The following ADAM12 variants were observed in gnomAD, a reference collection of about 807,000 sequenced individuals.
ADAM12 encodes ADAM metallopeptidase domain 12, also known as disintegrin and metalloproteinase domain-containing protein 12.
Under a neutral mutation model 106.4 loss-of-function variants are expected in ADAM12, and 70 were observed. The observed-to-expected ratio is 0.66, with a 90% CI of 0.54 to 0.80. The LOEUF (loss-of-function observed/expected upper bound fraction) is 0.80. Among genes scored for constraint, ADAM12 ranks in the 30% least tolerant of loss-of-function variants. The pLI is 0.00. For missense variants in ADAM12, 1,010 were observed against 1,171.9 expected, an observed-to-expected ratio of 0.86 and a Z score of 2.02; for synonymous variants, 420 against 433.5, an observed-to-expected ratio of 0.97 and a Z score of 0.39.
At chr10:126,301,623 G>A (rs2133799933) in intron 2 of ADAM12, among the ~76,000 whole-genome samples, 1 of 152,262 alleles carries the variant, frequency 6.6e-6, no homozygotes, top group East Asian at 1.9e-4. Context: ...GATTTTTGGA[G>A]AAGCAGGTTG....
chr10:126,121,407 ATAT>A (rs1221919097), intron 5 of ADAM12, among the ~76,000 whole-genome samples: 1 of 129,334 alleles, frequency 7.7e-6, no homozygotes, highest in Non-Finnish European at 1.6e-5. Flanking sequence ...AATATATTGC[ATAT>A]TATATAATAT....
At chr10:126,086,668 A>T (rs1483329923) in intron 11 of ADAM12, among the ~76,000 whole-genome samples, 1 of 47,822 alleles carries the variant, frequency 2.1e-5, no homozygotes, top group African/African-American at 1.5e-4. Context: ...AAAAAAAAAA[A>T]AAAAAAAAAA....
chr10:126,350,139 T>A (rs76895644), intron 1 of ADAM12, among the ~76,000 whole-genome samples: 2 of 152,052 alleles, frequency 1.3e-5, no homozygotes, highest in African/African-American at 4.8e-5. Context: ...AAGAAGAAAC[T>A]GGAAAAAATT....
At chr10:126,126,897 A>G (rs1956215525) in intron 5 of ADAM12, among the ~76,000 whole-genome samples, 1 of 152,188 alleles carries the variant, frequency 6.6e-6, no homozygotes, top group African/African-American at 2.4e-5. Flanking sequence ...GTGGAGAGCC[A>G]GTCTGGAGAC....
At chr10:126,250,979 C>T (rs1304416651) in intron 3 of ADAM12, among the ~76,000 whole-genome samples, 1 of 152,202 alleles carries the variant, frequency 6.6e-6, no homozygotes, top group Admixed American at 6.5e-5. Flanking sequence ...ATGTACTAGG[C>T]ATGGTGCTAA....
intron 3 of ADAM12, among the ~76,000 whole-genome samples, chr10:126,218,605 C>T (rs1341469235): frequency 6.6e-6 from 1 of 152,230 alleles, no homozygotes; most frequent in Non-Finnish European, 1.5e-5. Context: ...AGAACAGGTA[C>T]TGTGGGAAGG....
At chr10:126,126,483 T>C (rs1316333905) in intron 5 of ADAM12, among the ~76,000 whole-genome samples, 1 of 152,234 alleles carries the variant, frequency 6.6e-6, no homozygotes, top group Middle Eastern at 3.4e-3. Flanking sequence ...AGTTTGCACG[T>C]GACCAGTAGG....
intron 3 of ADAM12, among the ~76,000 whole-genome samples, chr10:126,247,887 A>G (rs1222221561): frequency 1.3e-5 from 2 of 152,198 alleles, no homozygotes; most frequent in Admixed American, 1.3e-4. Context: ...GCCTCCTGGG[A>G]TCCTGTGGCT....
intron 3 of ADAM12, among the ~76,000 whole-genome samples, chr10:126,168,269 A>G (rs5024596): frequency 0.097 from 14,833 of 152,162 alleles, 2,067 homozygotes; most frequent in African/African-American, 0.31. Context: ...GTGGACAAGA[A>G]GACCAAACTA....
intron 4 of ADAM12, among the ~76,000 whole-genome samples, chr10:126,139,406 T>C (rs1012106894): frequency 6.6e-6 from 1 of 152,236 alleles, no homozygotes; most frequent in African/African-American, 2.4e-5. Context: ...GGGAAGCTTT[T>C]GATTTTGTAA....
intron 3 of ADAM12, among the ~76,000 whole-genome samples, chr10:126,268,657 A>G (rs1317367541): frequency 6.6e-6 from 1 of 152,244 alleles, no homozygotes. Flanking sequence ...AGCTGTGACT[A>G]TCAGTTGCAG....
intron 5 of ADAM12, among the ~76,000 whole-genome samples, chr10:126,130,235 G>A (rs930403145): frequency 6.6e-6 from 1 of 151,672 alleles, no homozygotes; most frequent in African/African-American, 2.4e-5. Flanking sequence ...TCTTCTGTCA[G>A]TGAGCAGTTG....
chr10:126,029,701 G>A (rs527348793), intron 21 of ADAM12, among the ~76,000 whole-genome samples: 44 of 152,258 alleles, frequency 2.9e-4, no homozygotes, highest in Non-Finnish European at 4.3e-4. Flanking sequence ...CATGTACCCC[G>A]ATCTTAAATT....
intron 14 of ADAM12, among the ~76,000 whole-genome samples, chr10:126,058,647 C>T (rs547439846): frequency 2.0e-5 from 3 of 152,178 alleles, no homozygotes; most frequent in African/African-American, 7.2e-5. Flanking sequence ...CTCAAAGGCA[C>T]GGAGCCCGCA....
chr10:126,340,860 G>A (rs564919691), intron 1 of ADAM12, among the ~76,000 whole-genome samples: 1 of 151,938 alleles, frequency 6.6e-6, no homozygotes, highest in South Asian at 2.1e-4. Flanking sequence ...GGGTTTATAG[G>A]TGCCCCCACC....
At chr10:126,068,690 G>C (rs761987404) in intron 12 of ADAM12, among the ~76,000 whole-genome samples, 1 of 152,190 alleles carries the variant, frequency 6.6e-6, no homozygotes, top group Non-Finnish European at 1.5e-5. Flanking sequence ...TATTTCTTCT[G>C]CAGTACCATA....
intron 6 of ADAM12, among the ~76,000 whole-genome samples, chr10:126,111,353 G>A (rs1363346623): frequency 6.6e-6 from 1 of 152,184 alleles, no homozygotes; most frequent in Admixed American, 6.5e-5. Flanking sequence ...CCCCCATGGT[G>A]CCCACGGGTG....
chr10:126,247,052 TA>T (rs1243563017), intron 3 of ADAM12, among the ~76,000 whole-genome samples: 4 of 152,348 alleles, frequency 2.6e-5, no homozygotes, highest in African/African-American at 9.6e-5. Context: ...TGTAACTTGT[TA>T]TTTAAATACA....
At chr10:126,182,268 A>G (rs758333096) in intron 3 of ADAM12, among the ~76,000 whole-genome samples, 2 of 152,214 alleles carry the variant, frequency 1.3e-5, no homozygotes. Context: ...CCAGATATCT[A>G]TCACAGCACA....
Sources: gnomAD v4.1 joint callset for allele counts (sites outside exome capture counted in the v4.1 genomes callset) on GRCh38, gnomAD v4.1.1 for gene constraint, MANE v1.5 for transcripts, NCBI Gene and HGNC (gene_info 2026-07-23, HGNC 2026-07-21) for gene names.